The following PBX4 variants were observed in gnomAD, a reference collection of about 807,000 sequenced individuals.
PBX4 encodes the protein pre-B-cell leukemia transcription factor 4.
In PBX4, 26 loss-of-function variants were observed where a neutral mutation model predicts 35.1. The ratio of observed to expected loss-of-function variants is 0.74; its 90% CI spans 0.54 to 1.03. The LOEUF (loss-of-function observed/expected upper bound fraction) is 1.03. Ranked by LOEUF, PBX4 falls within the 50% of genes least tolerant of loss-of-function variation. The pLI is 0.00. For missense variants in PBX4, 448 were observed against 504.3 expected, an observed-to-expected ratio of 0.89 and a Z score of 1.07; for synonymous variants, 199 against 204.2, an observed-to-expected ratio of 0.97 and a Z score of 0.22.
chr19:19,577,393 C>T (rs987774642), intron 2 of PBX4, among the ~76,000 whole-genome samples: 1 of 152,086 alleles, frequency 6.6e-6, no homozygotes, highest in Non-Finnish European at 1.5e-5. Flanking sequence ...CTGACACCTA[C>T]AAAGATGTAT....
chr19:19,587,627 C>T (rs1984169514), intron 2 of PBX4, among the ~76,000 whole-genome samples: 1 of 145,658 alleles, frequency 6.9e-6, no homozygotes, highest in Admixed American at 7.0e-5. Flanking sequence ...TAAATGCCTA[C>T]ATTTCTTGTT....
intron 2 of PBX4, among the ~76,000 whole-genome samples, chr19:19,579,475 A>C (rs1324429339): frequency 6.6e-6 from 1 of 152,244 alleles, no homozygotes. Context: ...CAGAAGGCTC[A>C]GAGGGAACCC....
chr19:19,614,225 G>A (rs2061677173), intron 1 of PBX4, among the ~76,000 whole-genome samples: 1 of 151,964 alleles, frequency 6.6e-6, no homozygotes, highest in Non-Finnish European at 1.5e-5. Flanking sequence ...CCAGCTACTT[G>A]GGAGACTGAG....
chr19:19,614,113 G>A, intron 1 of PBX4, among the ~76,000 whole-genome samples: 1 of 152,134 alleles, frequency 6.6e-6, no homozygotes, highest in Non-Finnish European at 1.5e-5. Context: ...AATCACTTGA[G>A]CTCAGGAGTT....
chr19:19,600,816 C>CAAAAAAAAAAAAA (rs35643130), intron 1 of PBX4, among the ~76,000 whole-genome samples: 1 of 88,742 alleles, frequency 1.1e-5, no homozygotes, highest in Non-Finnish European at 2.3e-5. Context: ...GACTCCATCT[C>CAAAAAAAAAAAAA]AAAAAAAAAA....
At position 19,599,448 on chromosome 19, in the gene PBX4, A is replaced by C. The variant is rs912206455; in HGVS notation, c.120-83T>G. Reference sequence around the variant, plus strand: ...AAGAGTAAAGATCTTCCATACTGAGAAATCAAACCAAACGAGATCTGCCAC... The same window carrying C: ...AAGAGTAAAGATCTTCCATACTGAGCAATCAAACCAAACGAGATCTGCCAC... On this transcript the variant is annotated intron_variant, in intron 1 of 7. Transcript: ENST00000251203. 1.4e-5 allele frequency: 17 copies of C among 1,208,348 alleles called. No homozygotes were observed. In the African/African-American group the frequency reaches 2.5e-4, roughly 18 times the overall value. 74.9% of individuals were successfully genotyped at this position (1,208,348 alleles called of 1,614,324 possible).
At chr19:19,575,098 G>A (rs555604812) in intron 2 of PBX4, among the ~76,000 whole-genome samples, 6 of 152,184 alleles carry the variant, frequency 3.9e-5, no homozygotes, top group Admixed American at 1.3e-4. Flanking sequence ...TTAGCCAGGC[G>A]TGGTGGCGGG....
chr19:19,577,503 G>A (rs1379581391), intron 2 of PBX4, among the ~76,000 whole-genome samples: 1 of 152,162 alleles, frequency 6.6e-6, no homozygotes, highest in African/African-American at 2.4e-5. Flanking sequence ...CGGGCCCTGT[G>A]GTGTCACCTG....
At chr19:19,601,719 C>T (rs1308314551) in intron 1 of PBX4, among the ~76,000 whole-genome samples, 1 of 152,078 alleles carries the variant, frequency 6.6e-6, no homozygotes, top group Non-Finnish European at 1.5e-5. Context: ...TGGCCTTGAT[C>T]ATGGAGGAAG....
In PBX4 at chr19:19,591,070, G is replaced by C. The variant is rs138851235; in HGVS notation, c.193+8222C>G. Among the ~76,000 whole-genome samples, 623 of 152,208 alleles carry C rather than the reference G, an allele frequency of 4.1e-3. 4 individuals carry two copies. The highest frequency in any genetic ancestry group is 0.014 in the African/African-American group (597 of 41,518). On this transcript the variant is annotated intron_variant, in intron 2 of 7. Transcript: ENST00000251203. ...GATGAGACTCAGGGGCTCAATTTGT[G>C]AGTTACCCTGAGACTGAGGGGAGGA...
intron 1 of PBX4, among the ~76,000 whole-genome samples, chr19:19,603,612 C>T (rs2144778476): frequency 6.6e-6 from 1 of 152,236 alleles, no homozygotes; most frequent in South Asian, 2.1e-4. Context: ...GGTACTAGCA[C>T]ATGTTTATAT....
In PBX4 at chr19:19,592,103, G is replaced by A. The variant is rs182791993; in HGVS notation, c.193+7189C>T. Reference sequence around the variant, plus strand: ...TCACCATATTGGCCAGGCTGGTCTCGAACTCCTGACCTCAGGTGATCCGTC... The same window carrying A: ...TCACCATATTGGCCAGGCTGGTCTCAAACTCCTGACCTCAGGTGATCCGTC... On this transcript the variant is annotated intron_variant, in intron 2 of 7. Transcript: ENST00000251203. Among the ~76,000 whole-genome samples, 35 of 152,124 alleles carry A rather than the reference G, an allele frequency of 2.3e-4. 1 individual carries two copies. The East Asian group carries it at 5.4e-3, about 24-fold the overall frequency.
intron 2 of PBX4, among the ~76,000 whole-genome samples, chr19:19,589,638 C>T (rs756785999): frequency 1.5e-4 from 23 of 151,666 alleles, no homozygotes; most frequent in Non-Finnish European, 2.8e-4. Context: ...GGCATGGTGG[C>T]GGGCACCTGT....
intron 2 of PBX4, among the ~76,000 whole-genome samples, chr19:19,577,272 T>G (rs1399459047): frequency 1.3e-5 from 2 of 152,134 alleles, no homozygotes; most frequent in Non-Finnish European, 2.9e-5. Context: ...GGGTATGCAT[T>G]GTACAGCATT....
intron 2 of PBX4, among the ~76,000 whole-genome samples, chr19:19,575,085 T>A (rs1436047415): frequency 6.6e-6 from 1 of 151,594 alleles, no homozygotes; most frequent in Non-Finnish European, 1.5e-5. Flanking sequence ...ACAAAAAAAA[T>A]AATTAGCCAG....
intron 5 of PBX4, among the ~76,000 whole-genome samples, chr19:19,566,891 G>A (rs2061345560): frequency 1.3e-5 from 2 of 152,020 alleles, no homozygotes; most frequent in African/African-American, 4.8e-5. Flanking sequence ...TGTATTTCCA[G>A]TAGCCACGGG....
In PBX4 at chr19:19,618,494, G is replaced by A. The variant is rs2061699757; in HGVS notation, c.119+17C>T. The A allele has an allele frequency of 6.8e-7, 1 of 1,463,674 alleles. No homozygotes were observed. The highest frequency in any genetic ancestry group is 9.1e-7 in the Non-Finnish European group (1 of 1,102,598). 90.7% of individuals were successfully genotyped at this position (1,463,674 alleles called of 1,614,324 possible). A position where few individuals can be genotyped will look rare whatever the true frequency, so the allele number is the denominator to read the frequency against. ...GCCACGACCCTGCGTGGCCCCTGCC[G>A]AGCCCGCGGGCAGCACCTGGCCTGT... On this transcript the variant is annotated intron_variant, in intron 1 of 7. Coordinates refer to ENST00000251203, the MANE Select transcript of PBX4 (RefSeq NM_025245.3).
chr19:19,613,564 G>A (rs1204690993), intron 1 of PBX4, among the ~76,000 whole-genome samples: 1 of 152,106 alleles, frequency 6.6e-6, no homozygotes, highest in Non-Finnish European at 1.5e-5. Flanking sequence ...AGCAGCCCTG[G>A]GGCTGTGCTG....
intron 2 of PBX4, among the ~76,000 whole-genome samples, chr19:19,590,201 C>CGT (rs1018211296): frequency 6.6e-6 from 1 of 152,142 alleles, no homozygotes; most frequent in African/African-American, 2.4e-5. Context: ...AAAGATACCC[C>CGT]GTCTCTATGA....
Sources: allele counts gnomAD v4.1 joint callset (sites outside exome capture counted in the v4.1 genomes callset), GRCh38; gene constraint gnomAD v4.1.1; transcripts MANE v1.5; gene names NCBI Gene and HGNC (gene_info 2026-07-23, HGNC 2026-07-21).